The following GRIK4 variants were observed in gnomAD, a reference collection of about 807,000 sequenced individuals.
The protein encoded by GRIK4 is glutamate receptor ionotropic, kainate 4.
Under a neutral mutation model 104.9 loss-of-function variants are expected in GRIK4, and 40 were observed. That is an observed-to-expected ratio of 0.38 (90% CI 0.30 to 0.50). The LOEUF (loss-of-function observed/expected upper bound fraction) is 0.50, where lower values mean the gene tolerates loss of function less well. Among genes scored for constraint, GRIK4 ranks in the 20% least tolerant of loss-of-function variants. The pLI is 0.93. For synonymous variants in GRIK4, 485 were observed against 524.9 expected, an observed-to-expected ratio of 0.92 and a Z score of 1.04; for missense variants, 1,047 against 1,308.1, an observed-to-expected ratio of 0.80 and a Z score of 3.08.
At chr11:120,512,671 A>C (rs904793119) in intron 1 of GRIK4, among the ~76,000 whole-genome samples, 38 of 150,676 alleles carry the variant, frequency 2.5e-4, no homozygotes, top group African/African-American at 9.1e-4. Flanking sequence ...AGGGGAGCTG[A>C]TTTAGATTCT....
intron 13 of GRIK4, among the ~76,000 whole-genome samples, chr11:120,908,991 C>T (rs991286948): frequency 4.6e-5 from 7 of 152,248 alleles, no homozygotes; most frequent in African/African-American, 1.7e-4. Context: ...AGTGTTCTTG[C>T]ATCACAGCAG....
At chr11:120,647,321 G>C (rs888220886) in intron 1 of GRIK4, among the ~76,000 whole-genome samples, 2 of 152,218 alleles carry the variant, frequency 1.3e-5, no homozygotes, top group African/African-American at 4.8e-5. Context: ...CCCCCAACAT[G>C]TTGCTAGGTG....
chr11:120,745,303 T>G (rs1951419748), intron 3 of GRIK4, among the ~76,000 whole-genome samples: 1 of 152,206 alleles, frequency 6.6e-6, no homozygotes, highest in South Asian at 2.1e-4. Flanking sequence ...TCCTCTGGCT[T>G]TTTTCTATTT....
intron 3 of GRIK4, among the ~76,000 whole-genome samples, chr11:120,734,204 AT>A (rs56293711): frequency 0.75 from 113,833 of 152,074 alleles, 42,986 homozygotes; most frequent in Middle Eastern, 0.85. Flanking sequence ...TACCTTTAGC[AT>A]TTTTTTGTAG....
At chr11:120,844,141 C>A (rs1953793169) in intron 8 of GRIK4, among the ~76,000 whole-genome samples, 3 of 152,036 alleles carry the variant, frequency 2.0e-5, no homozygotes, top group Non-Finnish European at 4.4e-5. Context: ...GAAAGGGGAC[C>A]CAGGGCAGAC....
At chr11:120,898,372 C>G (rs1407812207) in intron 11 of GRIK4, among the ~76,000 whole-genome samples, 160 bp from the exon 12 acceptor site, 3 of 151,796 alleles carry the variant, frequency 2.0e-5, no homozygotes, top group African/African-American at 7.3e-5. Flanking sequence ...CCCCCCAACC[C>G]TGGGAAACAG....
chr11:120,628,682 G>A (rs1302984302), intron 1 of GRIK4, among the ~76,000 whole-genome samples: 2 of 152,118 alleles, frequency 1.3e-5, no homozygotes, highest in Non-Finnish European at 2.9e-5. Context: ...AGCTCCTAGG[G>A]GCCTGAGGAA....
Position 120,987,146 on chromosome 11 carries a change from A to G in GRIK4, c.*886A>G, listed in dbSNP as rs1020478643. On this transcript the variant is annotated 3_prime_UTR_variant, in exon 21 of 21. Coordinates refer to ENST00000527524, the MANE Select transcript of GRIK4 (RefSeq NM_014619.5). ...TGGGTTTGATTTGATCTTTTTGTGA[A>G]TGTAGTCTCTGAAGACAGACAGGGG... 1 of 152,182 alleles carries G rather than the reference A, an allele frequency of 6.6e-6. No homozygotes were observed. Among genetic ancestry groups the G allele is most frequent in the Non-Finnish European group, 1.5e-5 (1 of 68,042 alleles). 9.4% of individuals were successfully genotyped at this position (152,182 alleles called of 1,614,324 possible).
chr11:120,578,130 A>T (rs1948509742), intron 1 of GRIK4, among the ~76,000 whole-genome samples: 1 of 152,194 alleles, frequency 6.6e-6, no homozygotes, highest in Non-Finnish European at 1.5e-5. Flanking sequence ...GGCAGGGAGA[A>T]GGAGAGAAAC....
intron 9 of GRIK4, among the ~76,000 whole-genome samples, chr11:120,866,242 C>A (rs1466839765): frequency 1.3e-5 from 2 of 152,160 alleles, no homozygotes; most frequent in Admixed American, 1.3e-4. Flanking sequence ...GGGTTCACCT[C>A]CACCTCTGGG....
intron 14 of GRIK4, among the ~76,000 whole-genome samples, chr11:120,941,175 G>T (rs1290755484): frequency 6.6e-6 from 1 of 152,210 alleles, no homozygotes; most frequent in Non-Finnish European, 1.5e-5. Flanking sequence ...TATCTTGCTG[G>T]ACCAGAAGAG....
At chr11:120,832,920 C>T (rs537569910) in intron 7 of GRIK4, among the ~76,000 whole-genome samples, 29 of 152,272 alleles carry the variant, frequency 1.9e-4, no homozygotes, top group Admixed American at 1.0e-3. Flanking sequence ...GGCTCCTTGG[C>T]GGCTCCCCCA....
At chr11:120,743,525 T>C (rs2135412210) in intron 3 of GRIK4, among the ~76,000 whole-genome samples, 1 of 152,288 alleles carries the variant, frequency 6.6e-6, no homozygotes, top group South Asian at 2.1e-4. Context: ...ATCCCTGTTA[T>C]GTGAGTTTAC....
Position 120,884,407 on chromosome 11 carries a change from C to T in GRIK4, c.1164+9164C>T, listed in dbSNP as rs899762732. On this transcript the variant is annotated intron_variant, in intron 11 of 20. Coordinates refer to ENST00000527524, the MANE Select transcript of GRIK4 (RefSeq NM_014619.5). ...GCTCAGGGCAGAGAGAAGAACAAAACGGGGGTGAGCGAGACGCCCAGGGCC... is the reference window on the plus strand; with the variant it reads ...GCTCAGGGCAGAGAGAAGAACAAAATGGGGGTGAGCGAGACGCCCAGGGCC... 1.8e-4 allele frequency among the ~76,000 whole-genome samples: 28 copies of T among 152,290 alleles called. No individual in the cohort carries two copies. The East Asian group carries it at 4.3e-3, about 23-fold the overall frequency.
chr11:120,889,773 T>G (rs1466572656), intron 11 of GRIK4, among the ~76,000 whole-genome samples: 1 of 151,852 alleles, frequency 6.6e-6, no homozygotes, highest in Non-Finnish European at 1.5e-5. Flanking sequence ...CCTGATTAAT[T>G]TTCTGTTTTT....
At chr11:120,924,067 C>T (rs180741419) in intron 13 of GRIK4, among the ~76,000 whole-genome samples, 57 of 152,296 alleles carry the variant, frequency 3.7e-4, no homozygotes, top group South Asian at 2.1e-3. Context: ...GCCTGGTGTT[C>T]GCAGCAGGCA....
At chr11:120,803,532 C>T (rs1468385265) in intron 4 of GRIK4, among the ~76,000 whole-genome samples, 4 of 152,020 alleles carry the variant, frequency 2.6e-5, no homozygotes, top group Admixed American at 1.3e-4. Context: ...CTGCCTCCCG[C>T]GTTCAAGTGA....
chr11:120,685,595 T>G (rs1330262277), intron 3 of GRIK4, among the ~76,000 whole-genome samples: 1 of 152,150 alleles, frequency 6.6e-6, no homozygotes, highest in Non-Finnish European at 1.5e-5. Context: ...GCAGGCCGGC[T>G]TTTTCTCCAT....
intron 1 of GRIK4, among the ~76,000 whole-genome samples, chr11:120,632,093 T>C (rs1433417619): frequency 6.6e-6 from 1 of 152,138 alleles, no homozygotes; most frequent in African/African-American, 2.4e-5. Flanking sequence ...TAGCCCCCAG[T>C]GTGATGGTAT....
Sources: allele counts gnomAD v4.1 joint callset (sites outside exome capture counted in the v4.1 genomes callset), GRCh38; gene constraint gnomAD v4.1.1; transcripts MANE v1.5; gene names NCBI Gene and HGNC (gene_info 2026-07-23, HGNC 2026-07-21).